Variants in ITGB2 observed in about 807,000 individuals in gnomAD.
The protein encoded by ITGB2 is integrin beta-2.
A neutral mutation model predicts 86.8 loss-of-function variants in ITGB2; 56 were observed. The observed-to-expected ratio is 0.65, with a 90% CI of 0.52 to 0.81. The LOEUF (loss-of-function observed/expected upper bound fraction) is 0.81. Ranked by LOEUF, ITGB2 falls within the 30% of genes least tolerant of loss-of-function variation. The probability of loss-of-function intolerance (pLI) is 0.00; values close to 1 mark genes in which losing one functional copy is unlikely to be tolerated. For missense variants in ITGB2, 948 were observed against 1,061.2 expected, an observed-to-expected ratio of 0.89 and a Z score of 1.48; for synonymous variants, 457 against 450.4, an observed-to-expected ratio of 1.01 and a Z score of -0.19.
chr21:44,913,086 C>T lies in ITGB2; in HGVS notation c.-3-2301G>A, dbSNP rs2084156334. The stretch of plus-strand genomic sequence containing the variant: ...CCCCCAGGGTGCAGGGTCCAGCCGG[C>T]TTCAGGACTCCCCCAGGGTGCAGGG... On this transcript the variant is annotated intron_variant, in intron 1 of 15. Coordinates refer to ENST00000652462, the MANE Select transcript of ITGB2 (RefSeq NM_000211.5). Among the ~76,000 whole-genome samples the T allele has an allele frequency of 2.2e-5, 2 of 90,852 alleles. 1 individual carries two copies. The highest frequency in any genetic ancestry group is 9.5e-4 in the South Asian group (2 of 2,110). The allele number at this position is 90,852 out of a possible 152,430, so 59.6% of individuals were successfully genotyped here.
intron 6 of ITGB2, among the ~76,000 whole-genome samples, chr21:44,901,223 G>A (rs1293367334): frequency 6.6e-6 from 1 of 152,206 alleles, no homozygotes; most frequent in Non-Finnish European, 1.5e-5. Context: ...AAATGTTTAG[G>A]CTTCATAAGG....
In ITGB2 at chr21:44,900,320, G is replaced by T; in HGVS notation, c.897C>A (p.Phe299Leu). ...EDNLYKRSNE[F>L]DYPSVGQLAH... is the part of the protein sequence containing the mutation. ...CTGGGTGCCTGGGGTGGGGACTTACGAATTCGTTGCTCCTCTTGTACAAGT... is the reference window on the plus strand; with the variant it reads ...CTGGGTGCCTGGGGTGGGGACTTACTAATTCGTTGCTCCTCTTGTACAAGT... Residue 299 changes from phenylalanine to leucine, a missense_variant and splice_region_variant, in exon 7 of 16, where the codon TTC becomes TTA. Coordinates refer to ENST00000652462, the MANE Select transcript of ITGB2 (RefSeq NM_000211.5). The T allele has an allele frequency of 6.2e-7, 1 of 1,614,192 alleles. No homozygotes were observed. The highest frequency in any genetic ancestry group is 8.5e-7 in the Non-Finnish European group (1 of 1,180,018).
intron 14 of ITGB2, among the ~76,000 whole-genome samples, chr21:44,887,982 C>G (rs918081484): frequency 5.3e-5 from 8 of 152,242 alleles, no homozygotes; most frequent in African/African-American, 1.9e-4. Context: ...GCCCCAGCCC[C>G]TCTGCCTCTC....
chr21:44,918,074 T>C (rs901313555), intron 1 of ITGB2, among the ~76,000 whole-genome samples: 1 of 152,234 alleles, frequency 6.6e-6, no homozygotes, highest in Non-Finnish European at 1.5e-5. Context: ...AGGTCCGGCT[T>C]GGGGTGGGTA....
intron 3 of ITGB2, chr21:44,907,918 G>A: frequency 1.7e-6 from 1 of 595,140 alleles, no homozygotes; most frequent in South Asian, 2.1e-5. Flanking sequence ...AGAAATAAAA[G>A]TACATCAGCA....
At chr21:44,895,836 A>G (rs1191730627) in intron 8 of ITGB2, among the ~76,000 whole-genome samples, 2 of 139,194 alleles carry the variant, frequency 1.4e-5, no homozygotes, top group Non-Finnish European at 3.2e-5. Context: ...CTGTCTCAAT[A>G]AAATAAAATG....
chr21:44,887,197 C>A (rs188882964), intron 14 of ITGB2, among the ~76,000 whole-genome samples: 2 of 152,302 alleles, frequency 1.3e-5, no homozygotes, highest in Non-Finnish European at 1.5e-5. Flanking sequence ...AGTGCTAATA[C>A]TGGGGGGTAG....
chr21:44,900,491 G>T lies in ITGB2; in HGVS notation c.742-16C>A, dbSNP rs755868613. ...CGATTTCCTCCTGAGAAGAAGGCGT[G>T]GGGGGCAGGGTTACCTGCCTCAGTT... On this transcript the variant is annotated splice_polypyrimidine_tract_variant and intron_variant, in intron 6 of 15. Transcript: ENST00000652462. The T allele has an allele frequency of 1.3e-5, 21 of 1,613,056 alleles. No individual in the cohort carries two copies. The South Asian group carries it at 1.5e-4, about 12-fold the overall frequency.
Position 44,893,560 on chromosome 21 carries a change from G to A in ITGB2, c.1084-16C>T, listed in dbSNP as rs146961505. The A allele has an allele frequency of 2.2e-5, 36 of 1,613,010 alleles. 1 individual carries two copies. The East Asian group carries it at 2.7e-4, about 12-fold the overall frequency. On this transcript the variant is annotated splice_polypyrimidine_tract_variant and intron_variant, in intron 9 of 15. Coordinates refer to ENST00000652462, the MANE Select transcript of ITGB2 (RefSeq NM_000211.5). ...AGGAGAGTTTCTGCGGGCAGAGAGC[G>A]GTTACTCTTGGGGGCGAGTGTTTCT...
rs1429908219 is a variant in ITGB2 at position 44,901,655 on chromosome 21, T to A, written c.578A>T (p.Asn193Ile). The change falls in exon 6 of 16, where the codon AAC becomes ATC. Residue 193 changes from asparagine to isoleucine, a missense_variant. By Grantham distance (149) the Asn-to-Ile change is moderately radical. Coordinates refer to ENST00000652462, the MANE Select transcript of ITGB2 (RefSeq NM_000211.5). ...CGGGGGCTGGCACTCTTTCTCCTTG[T>A]TGGGGCATGGGTTTCGCAGCTTATC... ...HPDKLRNPCPNKEKECQPPFA... is the reference protein window; with the variant it reads ...HPDKLRNPCPIKEKECQPPFA... 4 of 1,614,106 alleles carry A rather than the reference T, an allele frequency of 2.5e-6. No homozygotes were observed. Among genetic ancestry groups the A allele is most frequent in the East Asian group, 2.2e-5 (1 of 44,900 alleles).
chr21:44,904,412 A>G (rs2084011877), intron 4 of ITGB2, among the ~76,000 whole-genome samples: 1 of 151,706 alleles, frequency 6.6e-6, no homozygotes, highest in Non-Finnish European at 1.5e-5. Flanking sequence ...AATATAACTC[A>G]TGCACACACA....
upstream of ITGB2, among the ~76,000 whole-genome samples, chr21:44,922,758 G>A (rs921520571): frequency 2.6e-5 from 4 of 152,050 alleles, no homozygotes; most frequent in Admixed American, 1.3e-4. Flanking sequence ...TAAAACATTG[G>A]GAATAATTTC....
intron 6 of ITGB2, 122 bp from the exon 7 acceptor site, chr21:44,900,597 C>G (rs1321307045): frequency 1.9e-5 from 23 of 1,228,864 alleles, no homozygotes; most frequent in Non-Finnish European, 2.6e-5. Flanking sequence ...GTCCCCCTTT[C>G]CCCTGGGTCT....
At chr21:44,917,900 G>A (rs994344798) in intron 1 of ITGB2, among the ~76,000 whole-genome samples, 1 of 152,214 alleles carries the variant, frequency 6.6e-6, no homozygotes, top group Non-Finnish European at 1.5e-5. Flanking sequence ...AGCCCGGGGT[G>A]GGCAGGGGCC....
intron 5 of ITGB2, 74 bp from the exon 6 acceptor site, chr21:44,901,807 G>T: frequency 2.0e-6 from 3 of 1,511,156 alleles, no homozygotes; most frequent in South Asian, 1.2e-5. Flanking sequence ...AAAGGGGCAC[G>T]AGGGCAAGCC....
chr21:44,890,226 GGGA>G lies in ITGB2; in HGVS notation c.1413-7_1413-5del, dbSNP rs1444590673. ...CCCAATGTAGCCAGTGTCACACCTG[GGGA>G]CAGGAGGGGCCCCAAGGTCAGGCTC... On this transcript the variant is annotated splice_region_variant and splice_polypyrimidine_tract_variant and intron_variant, in intron 11 of 15. Transcript: ENST00000652462. The G allele has an allele frequency of 1.2e-6, 2 of 1,612,836 alleles. No individual in the cohort carries two copies. The highest frequency in any genetic ancestry group is 1.7e-6 in the Non-Finnish European group (2 of 1,180,000).
intron 1 of ITGB2, among the ~76,000 whole-genome samples, chr21:44,917,708 T>C (rs2084232244): frequency 6.6e-6 from 1 of 152,130 alleles, no homozygotes; most frequent in South Asian, 2.1e-4. Context: ...CTGCTGAGAC[T>C]CTCAGCACCT....
chr21:44,922,234 G>A (rs995378755), upstream of ITGB2, among the ~76,000 whole-genome samples: 6 of 152,250 alleles, frequency 3.9e-5, no homozygotes, highest in East Asian at 3.9e-4. Flanking sequence ...GCACATTGCC[G>A]TTCCATCCTA....
chr21:44,910,433 G>T, intron 2 of ITGB2, 61 bp from the exon 3 acceptor site: 1 of 1,611,716 alleles, frequency 6.2e-7, no homozygotes, highest in South Asian at 1.1e-5. Context: ...CACCCAAGGG[G>T]GAGTAGAGCA....
Sources: allele counts gnomAD v4.1 joint callset (sites outside exome capture counted in the v4.1 genomes callset), GRCh38; gene constraint gnomAD v4.1.1; transcripts MANE v1.5; gene names NCBI Gene and HGNC (gene_info 2026-07-23, HGNC 2026-07-21).